PCDH9: variants seen among roughly 807,000 people sequenced by gnomAD.
PCDH9 encodes the protein protocadherin-9.
In PCDH9, 24 loss-of-function variants were observed where a neutral mutation model predicts 70.6. That is an observed-to-expected ratio of 0.34 (90% CI 0.25 to 0.48). PCDH9 has a LOEUF of 0.48. PCDH9 is among the 20% of genes least tolerant of loss of function. The probability of loss-of-function intolerance (pLI) is 0.99; values close to 1 mark genes in which losing one functional copy is unlikely to be tolerated. For missense variants in PCDH9, 1,281 were observed against 1,503.6 expected, an observed-to-expected ratio of 0.85 and a Z score of 2.45; for synonymous variants, 562 against 558.5, an observed-to-expected ratio of 1.01 and a Z score of -0.09.
chr13:66,407,382 A>G (rs1473329716), intron 4 of PCDH9, among the ~76,000 whole-genome samples: 1 of 152,176 alleles, frequency 6.6e-6, no homozygotes, highest in East Asian at 1.9e-4. Flanking sequence ...GGACTCACTA[A>G]TAGCCTTTCT....
intron 2 of PCDH9, among the ~76,000 whole-genome samples, chr13:66,961,819 G>A (rs1199046847): frequency 6.6e-6 from 1 of 152,142 alleles, no homozygotes; most frequent in African/African-American, 2.4e-5. Context: ...TTGGGAGGCT[G>A]AGGCGGGTGG....
At chr13:66,674,604 C>A (rs2078218708) in intron 3 of PCDH9, among the ~76,000 whole-genome samples, 1 of 151,980 alleles carries the variant, frequency 6.6e-6, no homozygotes, top group South Asian at 2.1e-4. Context: ...GAACTTTTCA[C>A]TAAATGGGAG....
intron 4 of PCDH9, among the ~76,000 whole-genome samples, chr13:66,410,518 A>G (rs1488271988): frequency 6.6e-6 from 1 of 152,212 alleles, no homozygotes; most frequent in East Asian, 1.9e-4. Context: ...GCCAGATGTT[A>G]CTGTTCAAAA....
At chr13:66,764,620 GA>G (rs1027252143) in intron 3 of PCDH9, among the ~76,000 whole-genome samples, 2 of 151,920 alleles carry the variant, frequency 1.3e-5, no homozygotes, top group African/African-American at 2.4e-5. Flanking sequence ...CAAAAGTAAA[GA>G]AAAAAGTTAT....
chr13:66,887,295 T>C (rs2082022640), intron 3 of PCDH9, among the ~76,000 whole-genome samples: 1 of 152,064 alleles, frequency 6.6e-6, no homozygotes, highest in African/African-American at 2.4e-5. Flanking sequence ...CTTTCATTCC[T>C]CTTTAGTTTA....
chr13:66,340,330 A>C (rs1320403247), intron 4 of PCDH9, among the ~76,000 whole-genome samples: 2 of 152,182 alleles, frequency 1.3e-5, no homozygotes, highest in African/African-American at 4.8e-5. Context: ...GAGGCACAAA[A>C]GAACCTAAAA....
chr13:67,134,229 A>G (rs2087177009), intron 2 of PCDH9, among the ~76,000 whole-genome samples: 1 of 152,116 alleles, frequency 6.6e-6, no homozygotes, highest in Non-Finnish European at 1.5e-5. Flanking sequence ...CTCATGTTCA[A>G]TATAGTAAAG....
chr13:67,022,663 C>T (rs1432842447), intron 2 of PCDH9, among the ~76,000 whole-genome samples: 1 of 152,188 alleles, frequency 6.6e-6, no homozygotes, highest in African/African-American at 2.4e-5. Flanking sequence ...GTATCTCGCA[C>T]TTCCAGTGTT....
intron 3 of PCDH9, among the ~76,000 whole-genome samples, chr13:66,691,717 GCT>G (rs1313458604): frequency 6.6e-6 from 1 of 151,936 alleles, no homozygotes; most frequent in African/African-American, 2.4e-5. Context: ...TTGAAATTGA[GCT>G]CTTTAGAAGA....
intron 3 of PCDH9, among the ~76,000 whole-genome samples, chr13:66,691,005 T>C (rs1048024638): frequency 2.6e-5 from 4 of 152,186 alleles, no homozygotes; most frequent in Non-Finnish European, 5.9e-5. Context: ...TACCTAAACG[T>C]AAATCATTTT....
In PCDH9 at chr13:66,304,613, A is replaced by G. The variant is rs745957256; in HGVS notation, c.*42T>C. On this transcript the variant is annotated 3_prime_UTR_variant, in exon 5 of 5. Transcript: ENST00000377865. ...ATAAAGCTCTGACGCACACGGTATTAGCATGTCTATTTAAAGTTATTAGGT... is the reference window on the plus strand; with the variant it reads ...ATAAAGCTCTGACGCACACGGTATTGGCATGTCTATTTAAAGTTATTAGGT... The G allele has an allele frequency of 2.6e-6, 4 of 1,534,188 alleles. No homozygotes were observed. The Admixed American group carries it at 6.8e-5, about 26-fold the overall frequency.
In PCDH9 at chr13:66,305,034, G is replaced by T; in HGVS notation, c.3341-6C>A. 1 of 1,574,632 alleles carries T rather than the reference G, an allele frequency of 6.4e-7. No individual in the cohort carries two copies. Among genetic ancestry groups the T allele is most frequent in the East Asian group, 2.3e-5 (1 of 44,356 alleles). On this transcript the variant is annotated splice_polypyrimidine_tract_variant and splice_region_variant and intron_variant, in intron 4 of 4. Coordinates refer to ENST00000377865, the MANE Select transcript of PCDH9 (RefSeq NM_203487.3). ...TCGGGGACCCAAAGGCCCATCTGCA[G>T]AAGACAAGAGAGAGAAAATAAGAAA...
At chr13:66,886,996 TTCTC>T (rs1163857377) in intron 3 of PCDH9, among the ~76,000 whole-genome samples, 2 of 150,318 alleles carry the variant, frequency 1.3e-5, no homozygotes, top group Non-Finnish European at 1.5e-5. Context: ...TTCTATTGTG[TTCTC>T]TCTCTCTCTA....
At chr13:66,526,848 T>C (rs537863247) in intron 4 of PCDH9, among the ~76,000 whole-genome samples, 8 of 152,292 alleles carry the variant, frequency 5.3e-5, no homozygotes, top group African/African-American at 1.7e-4. Flanking sequence ...AGATTACTTA[T>C]ACATGATAAA....
At chr13:66,354,794 G>A (rs1956351448) in intron 4 of PCDH9, among the ~76,000 whole-genome samples, 1 of 152,092 alleles carries the variant, frequency 6.6e-6, no homozygotes, top group African/African-American at 2.4e-5. Flanking sequence ...ACATTTAGGA[G>A]TGTACCTAGA....
At chr13:66,594,781 A>G (rs2077081742) in intron 4 of PCDH9, among the ~76,000 whole-genome samples, 1 of 151,626 alleles carries the variant, frequency 6.6e-6, no homozygotes, top group South Asian at 2.1e-4. Flanking sequence ...ATTAGTTTGC[A>G]GAGGATAATG....
chr13:67,148,892 G>T (rs1039831536), intron 2 of PCDH9, among the ~76,000 whole-genome samples: 6 of 152,152 alleles, frequency 3.9e-5, no homozygotes, highest in Non-Finnish European at 8.8e-5. Context: ...TTAAGTTTTT[G>T]ATTCCTATGA....
chr13:66,460,343 G>A (rs1180997039), intron 4 of PCDH9, among the ~76,000 whole-genome samples: 3 of 151,824 alleles, frequency 2.0e-5, no homozygotes, highest in Admixed American at 6.6e-5. Context: ...TCAGCCAGAA[G>A]TAACTTTAAC....
At chr13:67,197,073 C>A (rs2089084688) in intron 2 of PCDH9, among the ~76,000 whole-genome samples, 1 of 148,748 alleles carries the variant, frequency 6.7e-6, no homozygotes, top group Non-Finnish European at 1.5e-5. Context: ...AATGAAAGGA[C>A]AATGGACAAA....
Sources: allele counts gnomAD v4.1 joint callset (sites outside exome capture counted in the v4.1 genomes callset), GRCh38; gene constraint gnomAD v4.1.1; transcripts MANE v1.5; gene names NCBI Gene and HGNC (gene_info 2026-07-23, HGNC 2026-07-21).